Variants in PAPPA observed in about 807,000 individuals in gnomAD.
The protein encoded by PAPPA is pappalysin 1.
Under a neutral mutation model 164.0 loss-of-function variants are expected in PAPPA, and 60 were observed. The ratio of observed to expected loss-of-function variants is 0.37; its 90% CI spans 0.30 to 0.45. The LOEUF is 0.45. Ranked by LOEUF, PAPPA falls within the 20% of genes least tolerant of loss-of-function variation. The pLI is 1.00. For missense variants in PAPPA, 1,782 were observed against 2,087.3 expected, an observed-to-expected ratio of 0.85 and a Z score of 2.85; for synonymous variants, 875 against 814.1, an observed-to-expected ratio of 1.07 and a Z score of -1.27.
chr9:116,378,399 T>C (rs1846683031), intron 20 of PAPPA, among the ~76,000 whole-genome samples: 1 of 152,132 alleles, frequency 6.6e-6, no homozygotes. Flanking sequence ...TCTTCCCAGC[T>C]GGCAGTGAAA....
At chr9:116,342,103 G>C (rs1846145962) in intron 13 of PAPPA, among the ~76,000 whole-genome samples, 1 of 152,224 alleles carries the variant, frequency 6.6e-6, no homozygotes, top group South Asian at 2.1e-4. Flanking sequence ...CTTCATAAGA[G>C]CCCAGGTACC....
chr9:116,323,986 C>T (rs1040268830), intron 10 of PAPPA, among the ~76,000 whole-genome samples: 6 of 152,164 alleles, frequency 3.9e-5, no homozygotes, highest in African/African-American at 1.2e-4. Flanking sequence ...CACTCCACTC[C>T]GGGGCAGACC....
chr9:116,209,045 A>G (rs79501895), intron 3 of PAPPA, among the ~76,000 whole-genome samples: 4 of 152,176 alleles, frequency 2.6e-5, no homozygotes, highest in Admixed American at 1.3e-4. Context: ...AATGTCCACT[A>G]CAAAGAATTA....
chr9:116,327,078 T>G (rs548571269), intron 10 of PAPPA, among the ~76,000 whole-genome samples: 15 of 152,334 alleles, frequency 9.8e-5, no homozygotes, highest in Non-Finnish European at 1.8e-4. Context: ...TTGAGCTCCA[T>G]GGAATCTCTC....
intron 7 of PAPPA, among the ~76,000 whole-genome samples, chr9:116,256,009 G>GAA (rs60349827): frequency 7.4e-6 from 1 of 134,422 alleles, no homozygotes. Context: ...AAAATTAAGT[G>GAA]AAAAAAAAAA....
At chr9:116,278,378 G>A (rs143298057) in intron 9 of PAPPA, among the ~76,000 whole-genome samples, 2 of 152,334 alleles carry the variant, frequency 1.3e-5, no homozygotes, top group East Asian at 1.9e-4. Context: ...CTGCCCTAAA[G>A]CCTATGTCCA....
intron 21 of PAPPA, among the ~76,000 whole-genome samples, chr9:116,394,354 T>C (rs549150774): frequency 6.6e-6 from 1 of 152,298 alleles, no homozygotes; most frequent in African/African-American, 2.4e-5. Flanking sequence ...AAATGCAACA[T>C]GAAATATGGT....
chr9:116,231,106 G>C (rs904810023), intron 6 of PAPPA, among the ~76,000 whole-genome samples: 1 of 152,024 alleles, frequency 6.6e-6, no homozygotes, highest in African/African-American at 2.4e-5. Flanking sequence ...ACGGGTGCCT[G>C]TATAGTGCTT....
intron 16 of PAPPA, among the ~76,000 whole-genome samples, chr9:116,353,414 G>C (rs1236422390): frequency 6.6e-6 from 1 of 152,196 alleles, no homozygotes; most frequent in African/African-American, 2.4e-5. Flanking sequence ...GTAGCTGGAA[G>C]CATGACATTT....
intron 10 of PAPPA, among the ~76,000 whole-genome samples, chr9:116,323,588 G>A (rs1845886626): frequency 6.6e-6 from 1 of 152,166 alleles, no homozygotes; most frequent in Non-Finnish European, 1.5e-5. Flanking sequence ...CACATTGCTA[G>A]AAAGGCTGCA....
intron 2 of PAPPA, among the ~76,000 whole-genome samples, chr9:116,194,083 T>C (rs2118644793): frequency 6.6e-6 from 1 of 152,282 alleles, no homozygotes; most frequent in South Asian, 2.1e-4. Flanking sequence ...TGGTTGGGGC[T>C]TCATGAAGGT....
intron 1 of PAPPA, among the ~76,000 whole-genome samples, chr9:116,170,727 T>G (rs1012102041): frequency 6.6e-6 from 1 of 151,042 alleles, no homozygotes; most frequent in African/African-American, 2.4e-5. Context: ...CCTTCTTTTC[T>G]GCTATCCATC....
At chr9:116,335,978 C>T (rs1275046168) in intron 13 of PAPPA, among the ~76,000 whole-genome samples, 1 of 152,164 alleles carries the variant, frequency 6.6e-6, no homozygotes, top group Non-Finnish European at 1.5e-5. Context: ...CTTCTGTGCA[C>T]AGAATTTTTT....
chr9:116,325,772 A>T (rs1029629842), intron 10 of PAPPA, among the ~76,000 whole-genome samples: 1 of 152,172 alleles, frequency 6.6e-6, no homozygotes, highest in African/African-American at 2.4e-5. Flanking sequence ...TATAAATGTC[A>T]CTGGAGATGG....
chr9:116,266,427 A>G (rs553626230), intron 8 of PAPPA, among the ~76,000 whole-genome samples: 1 of 152,346 alleles, frequency 6.6e-6, no homozygotes, highest in South Asian at 2.1e-4. Flanking sequence ...TGTTATCTCT[A>G]TTGTATCATA....
chr9:116,180,684 C>T (rs543731742), intron 1 of PAPPA, among the ~76,000 whole-genome samples: 38 of 152,150 alleles, frequency 2.5e-4, no homozygotes, highest in Non-Finnish European at 4.9e-4. Context: ...ATCTCCACCC[C>T]GCCGCCCCCA....
Position 116,187,557 on chromosome 9 carries a change from A to G in PAPPA, c.819A>G (p.Glu273=), listed in dbSNP as rs1843988023. 6.2e-7 allele frequency: 1 copy of G among 1,614,180 alleles called. No homozygotes were observed. The highest frequency in any genetic ancestry group is 2.2e-5 in the East Asian group (1 of 44,860). ...AGCGGGAGATACTGTCTGACATGGA[A>G]ACCCATGGCGCCCACACTGCTCTAC... ...RTQREILSDM[E]THGAHTALPQ... Residue 273 remains glutamate, a synonymous_variant, in exon 2 of 22, where the codon GAA becomes GAG. Coordinates refer to ENST00000328252, the MANE Select transcript of PAPPA (RefSeq NM_002581.5). The surrounding 1 kb of genome is among the most constrained non-coding windows in gnomAD (Gnocchi z 4.2).
chr9:116,347,126 A>G lies in PAPPA; in HGVS notation c.3881A>G (p.Tyr1294Cys), dbSNP rs1301548782. The G allele has an allele frequency of 6.2e-7, 1 of 1,614,170 alleles. No homozygotes were observed. Residue 1294 changes from tyrosine to cysteine, a missense_variant, in exon 15 of 22, where the codon TAT (tyrosine) becomes TGT (cysteine). Tyr to Cys is a radical substitution (Grantham distance 194, BLOSUM62 -2). This residue lies in a region of PAPPA where 1,324 missense variants were observed against 1,656.9 expected (regional missense o/e 0.80). Transcript: ENST00000328252. This position sits in a 1 kb window ranked among gnomAD's most constrained non-coding sequence, Gnocchi z 4.5. ...DCSIPDHHQV[Y>C]AASFSCPEGT... The stretch of plus-strand genomic sequence containing the variant: ...AGCATCCCAGATCACCATCAAGTCT[A>G]TGCTGCCTCCTTCTCCTGCCCTGAG...
intron 1 of PAPPA, among the ~76,000 whole-genome samples, chr9:116,174,426 A>G (rs1239763219): frequency 6.6e-6 from 1 of 152,046 alleles, no homozygotes; most frequent in African/African-American, 2.4e-5. Context: ...TTTTTATACA[A>G]CTTGCTGTAG....
Sources: gnomAD v4.1 joint callset for allele counts (sites outside exome capture counted in the v4.1 genomes callset) on GRCh38, gnomAD v4.1.1 for gene constraint, gnomAD v4.1.1 regional missense constraint, Gnocchi (gnomAD v3.1) non-coding constraint, MANE v1.5 for transcripts, NCBI Gene and HGNC (gene_info 2026-07-23, HGNC 2026-07-21) for gene names.